Variants in ACO1 observed in about 807,000 individuals in gnomAD.
ACO1 encodes cytoplasmic aconitate hydratase.
In ACO1, 78 loss-of-function variants were observed where a neutral mutation model predicts 105.1. That is an observed-to-expected ratio of 0.74 (90% CI 0.62 to 0.90). The LOEUF (loss-of-function observed/expected upper bound fraction) is 0.90, where lower values mean the gene tolerates loss of function less well. ACO1 is among the 40% of genes least tolerant of loss of function. ACO1 has a pLI of 0.00. For missense variants in ACO1, 965 were observed against 1,111.1 expected, an observed-to-expected ratio of 0.87 and a Z score of 1.87; for synonymous variants, 364 against 397.4, an observed-to-expected ratio of 0.92 and a Z score of 1.00.
intron 10 of ACO1, among the ~76,000 whole-genome samples, chr9:32,425,400 G>A (rs1318476168): frequency 6.6e-6 from 1 of 152,184 alleles, no homozygotes; most frequent in Non-Finnish European, 1.5e-5. Flanking sequence ...GATTAATTGA[G>A]TCTGGTCAAA....
intron 4 of ACO1, among the ~76,000 whole-genome samples, chr9:32,414,607 A>G (rs537256771): frequency 6.6e-6 from 1 of 152,174 alleles, no homozygotes; most frequent in Non-Finnish European, 1.5e-5. Context: ...TTCTGGGGTA[A>G]ACATTCCTCC....
At position 32,425,909 on chromosome 9, in the gene ACO1, T is replaced by C. The variant is rs1822081871; in HGVS notation, c.1260T>C (p.Thr420=). Residue 420 remains threonine, a synonymous_variant, in exon 11 of 21, where the codon ACT becomes ACC. Coordinates refer to ENST00000309951, the MANE Select transcript of ACO1 (RefSeq NM_002197.3). ...ATAAGACCTTTATCTATGATAACAC[T>C]GAATTCACCCTTGCTCATGGTTCTG... ...NDHKTFIYDN[T]EFTLAHGSVV... is the part of the protein sequence containing the mutation. 2 of 1,613,938 alleles carry C rather than the reference T, an allele frequency of 1.2e-6. No individual in the cohort carries two copies. The highest frequency in any genetic ancestry group is 1.3e-5 in the African/African-American group (1 of 74,928).
rs376761658 is a variant in ACO1, at chr9:32,419,153, T to G, written c.774T>G (p.Thr258=). 5.6e-6 allele frequency: 9 copies of G among 1,602,182 alleles called. No homozygotes were observed. Among genetic ancestry groups the G allele is most frequent in the Non-Finnish European group, 7.7e-6 (9 of 1,174,084 alleles). Residue 258 remains threonine, a synonymous_variant, in exon 7 of 21, where the codon ACT becomes ACG. Transcript: ENST00000309951. Reference sequence around the variant, plus strand: ...AGCCCCACCCTCTGGTAACATCCACTGACATCGTGCTCACCATTACCAAGG... The same window carrying G: ...AGCCCCACCCTCTGGTAACATCCACGGACATCGTGCTCACCATTACCAAGG... ...MGKPHPLVTS[T]DIVLTITKHL...
intron 19 of ACO1, among the ~76,000 whole-genome samples, chr9:32,448,118 T>G (rs1265535013): frequency 1.3e-5 from 2 of 152,120 alleles, no homozygotes; most frequent in Non-Finnish European, 2.9e-5. Context: ...GCAGGGACAT[T>G]TAAGTGTGCT....
chr9:32,401,899 G>A (rs1160399900), intron 1 of ACO1, among the ~76,000 whole-genome samples: 14 of 152,176 alleles, frequency 9.2e-5, no homozygotes, highest in African/African-American at 3.4e-4. Flanking sequence ...CCCTGTACAA[G>A]TCACCCAGCT....
At chr9:32,435,042 C>T (rs1468376885) in intron 17 of ACO1, among the ~76,000 whole-genome samples, 5 of 152,326 alleles carry the variant, frequency 3.3e-5, no homozygotes, top group South Asian at 2.1e-4. Flanking sequence ...GAACCTGACA[C>T]GCATTGCCAG....
chr9:32,423,673 T>G (rs971911214), intron 9 of ACO1, among the ~76,000 whole-genome samples: 1 of 152,214 alleles, frequency 6.6e-6, no homozygotes, highest in Non-Finnish European at 1.5e-5. Flanking sequence ...AACTACTGAT[T>G]CACACCTCTT....
chr9:32,414,669 G>C (rs1206496962), intron 4 of ACO1, among the ~76,000 whole-genome samples: 1 of 152,194 alleles, frequency 6.6e-6, no homozygotes, highest in East Asian at 1.9e-4. Context: ...TCCTCCTGGT[G>C]CTGGAGGGTG....
chr9:32,446,650 C>T (rs558486665), intron 19 of ACO1, among the ~76,000 whole-genome samples: 1 of 152,132 alleles, frequency 6.6e-6, no homozygotes, highest in Admixed American at 6.5e-5. Flanking sequence ...GGTTATTTTG[C>T]CCATTAGTTG....
chr9:32,396,298 G>A (rs1197692701), intron 1 of ACO1, among the ~76,000 whole-genome samples: 1 of 152,108 alleles, frequency 6.6e-6, no homozygotes, highest in Non-Finnish European at 1.5e-5. Flanking sequence ...CTTTATCAAA[G>A]TCCCTACTGT....
In ACO1 at chr9:32,418,661, G is replaced by A; in HGVS notation, c.658+150G>A. ...CACTGCTGTTTTTCCAGTGCCTAGA[G>A]AATCACTTTGCACCTAGCAGGCACT... On this transcript the variant is annotated intron_variant, in intron 6 of 20. Transcript: ENST00000309951. The A allele has an allele frequency of 6.7e-6, 6 of 900,976 alleles. 1 individual carries two copies. In the South Asian group the frequency reaches 1.1e-4, roughly 16 times the overall value. 55.8% of individuals were successfully genotyped at this position (900,976 alleles called of 1,614,324 possible).
rs191182800 is a variant in ACO1, at chr9:32,450,461, A to G, written c.*350A>G. On this transcript the variant is annotated 3_prime_UTR_variant, in exon 21 of 21. Transcript: ENST00000309951. ...CAGCTGAACACAAGCAAACCTTCTC[A>G]GGAGGTGTCTCCTACCCTCTTATTG... 24 of 360,000 alleles carry G rather than the reference A, an allele frequency of 6.7e-5. No homozygotes were observed. The highest frequency in any genetic ancestry group is 4.4e-4 in the African/African-American group (21 of 47,210). 22.3% of individuals were successfully genotyped at this position (360,000 alleles called of 1,614,324 possible). A position where few individuals can be genotyped will look rare whatever the true frequency, so the allele number is the denominator to read the frequency against.
At chr9:32,413,588 C>T (rs2118438600) in intron 4 of ACO1, among the ~76,000 whole-genome samples, 1 of 152,064 alleles carries the variant, frequency 6.6e-6, no homozygotes, top group Non-Finnish European at 1.5e-5. Context: ...TCTCTCTCCT[C>T]ATTTTTGTAA....
At chr9:32,394,677 T>C (rs1044390013) in intron 1 of ACO1, among the ~76,000 whole-genome samples, 3 of 152,220 alleles carry the variant, frequency 2.0e-5, no homozygotes, top group Non-Finnish European at 4.4e-5. Context: ...CACGCCTGCA[T>C]CTGGCTTCAG....
intron 3 of ACO1, 101 bp from the exon 4 acceptor site, chr9:32,408,413 A>G: frequency 1.5e-6 from 2 of 1,328,870 alleles, no homozygotes; most frequent in Non-Finnish European, 2.1e-6. Flanking sequence ...TCCTCTGATG[A>G]GGTAGGGCCT....
intron 12 of ACO1, 47 bp downstream of exon 12, chr9:32,427,483 C>A (rs72549185): frequency 2.2e-5 from 36 of 1,611,086 alleles, no homozygotes; most frequent in Non-Finnish European, 2.9e-5. Flanking sequence ...TGAATTGTAT[C>A]CCTCATGTAT....
intron 8 of ACO1, among the ~76,000 whole-genome samples, chr9:32,421,932 G>T (rs1222855446): frequency 1.3e-5 from 2 of 152,192 alleles, no homozygotes; most frequent in East Asian, 1.9e-4. Context: ...GCTGTAGCCT[G>T]AGGAAATTCC....
chr9:32,449,968 C>G (rs1563951801), intron 20 of ACO1, 30 bp from the exon 21 acceptor site: 1 of 1,587,158 alleles, frequency 6.3e-7, no homozygotes, highest in East Asian at 2.2e-5. Flanking sequence ...CCACCTCCCT[C>G]AATGATGCTT....
chr9:32,428,799 G>C (rs1822159187), intron 12 of ACO1, among the ~76,000 whole-genome samples: 1 of 151,918 alleles, frequency 6.6e-6, no homozygotes, highest in South Asian at 2.1e-4. Context: ...AGCAGAGATA[G>C]CGCCACTGCA....
Sources: allele counts gnomAD v4.1 joint callset (sites outside exome capture counted in the v4.1 genomes callset), GRCh38; gene constraint gnomAD v4.1.1; transcripts MANE v1.5; gene names NCBI Gene and HGNC (gene_info 2026-07-23, HGNC 2026-07-21).